Variants in RASGRF2 observed in about 807,000 individuals in gnomAD.
RASGRF2 encodes Ras protein specific guanine nucleotide releasing factor 2, also known as ras-specific guanine nucleotide-releasing factor 2.
A neutral mutation model predicts 151.0 loss-of-function variants in RASGRF2; 76 were observed. The observed-to-expected ratio is 0.50, with a 90% CI of 0.42 to 0.61. RASGRF2 has a LOEUF of 0.61. Among genes scored for constraint, RASGRF2 ranks in the 20% least tolerant of loss-of-function variants. The pLI is 0.00. For missense variants in RASGRF2, 1,148 were observed against 1,564.6 expected, an observed-to-expected ratio of 0.73 and a Z score of 4.49; for synonymous variants, 504 against 566.5, an observed-to-expected ratio of 0.89 and a Z score of 1.57.
At chr5:81,100,956 A>G (rs4704698) in intron 12 of RASGRF2, among the ~76,000 whole-genome samples, 8,705 of 152,256 alleles carry the variant, frequency 0.057, 282 homozygotes, top group African/African-American at 0.064. Flanking sequence ...GCCTTAGGTA[A>G]AACCCTGAAA....
intron 1 of RASGRF2, among the ~76,000 whole-genome samples, chr5:80,987,613 G>A (rs1018973777): frequency 1.3e-5 from 2 of 152,176 alleles, no homozygotes; most frequent in Admixed American, 1.3e-4. Context: ...GGAGCACAGG[G>A]AGCTGGCTTC....
intron 17 of RASGRF2, among the ~76,000 whole-genome samples, chr5:81,167,035 G>A (rs1267398303): frequency 6.6e-6 from 1 of 152,170 alleles, no homozygotes; most frequent in Non-Finnish European, 1.5e-5. Context: ...ATAGGTGGCA[G>A]GGTCTTCCCC....
At chr5:81,059,253 A>G (rs932161881) in intron 2 of RASGRF2, among the ~76,000 whole-genome samples, 8 of 151,710 alleles carry the variant, frequency 5.3e-5, no homozygotes, top group Non-Finnish European at 8.8e-5. Flanking sequence ...GCCTGGTGGC[A>G]GGCGCCTGTA....
At chr5:81,018,125 GAAAGAAAGAAAAAACAGAAAA>G (rs1414323660) in intron 1 of RASGRF2, among the ~76,000 whole-genome samples, 1 of 151,596 alleles carries the variant, frequency 6.6e-6, no homozygotes, top group East Asian at 1.9e-4. Flanking sequence ...AAGAAAGAAA[GAAAGAAAGAAAAAACAGAAAA>G]AAAGACTCTA....
At chr5:81,016,100 C>T (rs914471469) in intron 1 of RASGRF2, among the ~76,000 whole-genome samples, 1 of 152,116 alleles carries the variant, frequency 6.6e-6, no homozygotes. Flanking sequence ...TCTCTGTAAA[C>T]AAGTAAATGA....
intron 17 of RASGRF2, among the ~76,000 whole-genome samples, chr5:81,140,208 A>T (rs1203014753): frequency 6.6e-6 from 1 of 152,210 alleles, no homozygotes; most frequent in Non-Finnish European, 1.5e-5. Flanking sequence ...GAATAAAAGT[A>T]TCCAAGGATA....
Position 80,960,589 on chromosome 5 carries a change from G to C in RASGRF2, c.-150G>C, listed in dbSNP as rs1001680677. On this transcript the variant is annotated 5_prime_UTR_variant, in exon 1 of 27. Transcript: ENST00000265080. This position sits in a 1 kb window ranked among gnomAD's most constrained non-coding sequence, Gnocchi z 5.5. Reference sequence around the variant, plus strand: ...CGCGCGCCGCGGCCTCCCGAAAGCGGGCGGGGTGCCCTGCGCGCGGCGTGG... The same window carrying C: ...CGCGCGCCGCGGCCTCCCGAAAGCGCGCGGGGTGCCCTGCGCGCGGCGTGG... 5.4e-5 allele frequency: 39 copies of C among 727,974 alleles called. No individual in the cohort carries two copies. The African/African-American group carries it at 7.2e-4, about 13-fold the overall frequency. 45.1% of individuals were successfully genotyped at this position (727,974 alleles called of 1,614,324 possible).
At position 81,159,415 on chromosome 5, in the gene RASGRF2, G is replaced by T. The variant is rs142424650; in HGVS notation, c.2687-20760G>T. ...CCTTATTTACAAAAACAGGCAGCAG[G>T]TAGTTTGCTGACTCCTGTGCTCAAT... On this transcript the variant is annotated intron_variant, in intron 17 of 26. Coordinates refer to ENST00000265080, the MANE Select transcript of RASGRF2 (RefSeq NM_006909.3). Among the ~76,000 whole-genome samples the T allele has an allele frequency of 2.4e-3, 366 of 152,338 alleles. 2 individuals carry two copies. The highest frequency in any genetic ancestry group is 8.2e-3 in the African/African-American group (342 of 41,590).
At chr5:81,080,351 G>C in intron 6 of RASGRF2, 151 bp downstream of exon 6, 1 of 1,430,682 alleles carries the variant, frequency 7.0e-7, no homozygotes, top group South Asian at 1.5e-5. Context: ...TTGCCTTTTG[G>C]GTACTTTGGG....
At chr5:81,186,922 C>T (rs1335894899) in intron 18 of RASGRF2, among the ~76,000 whole-genome samples, 1 of 152,196 alleles carries the variant, frequency 6.6e-6, no homozygotes, top group African/African-American at 2.4e-5. Context: ...CTCCAGGCCT[C>T]CATTTCTTCA....
chr5:81,023,535 T>A (rs1180647684), intron 1 of RASGRF2, among the ~76,000 whole-genome samples: 1 of 152,020 alleles, frequency 6.6e-6, no homozygotes, highest in Non-Finnish European at 1.5e-5. Context: ...CTACAAATAA[T>A]GATTTGCAGG....
At chr5:81,016,591 C>T (rs2112326844) in intron 1 of RASGRF2, among the ~76,000 whole-genome samples, 1 of 152,190 alleles carries the variant, frequency 6.6e-6, no homozygotes, top group East Asian at 1.9e-4. Context: ...TAGGATGCAG[C>T]CAAACTCCAT....
intron 14 of RASGRF2, 33 bp downstream of exon 14, chr5:81,112,891 C>A (rs769707499): frequency 1.4e-5 from 22 of 1,612,864 alleles, no homozygotes; most frequent in African/African-American, 2.7e-5. Context: ...GCCTGTCATT[C>A]GCATATGGCC....
intron 1 of RASGRF2, among the ~76,000 whole-genome samples, chr5:80,976,389 C>T (rs1179989026): frequency 6.6e-6 from 1 of 152,162 alleles, no homozygotes; most frequent in Non-Finnish European, 1.5e-5. Flanking sequence ...TACGAAATGG[C>T]AAACCTGGTT....
chr5:81,091,619 C>T (rs1469536817), intron 9 of RASGRF2, among the ~76,000 whole-genome samples: 3 of 152,074 alleles, frequency 2.0e-5, no homozygotes, highest in Admixed American at 6.5e-5. Flanking sequence ...CAATTTGCAA[C>T]ATTCATATGT....
chr5:81,200,041 TGGGA>T (rs1431847331), intron 18 of RASGRF2, among the ~76,000 whole-genome samples: 2 of 150,934 alleles, frequency 1.3e-5, no homozygotes, highest in Non-Finnish European at 2.9e-5. Flanking sequence ...GAGGCTGAGA[TGGGA>T]GGGTCACTTG....
At chr5:80,983,076 G>GA (rs1748363884) in intron 1 of RASGRF2, among the ~76,000 whole-genome samples, 1 of 152,206 alleles carries the variant, frequency 6.6e-6, no homozygotes, top group Non-Finnish European at 1.5e-5. Context: ...AGGATTTCCA[G>GA]AACTTTTACT....
At chr5:81,190,110 C>T (rs1219296901) in intron 18 of RASGRF2, among the ~76,000 whole-genome samples, 1 of 152,180 alleles carries the variant, frequency 6.6e-6, no homozygotes, top group Non-Finnish European at 1.5e-5. Context: ...TAAGAGATCC[C>T]AAACATCCAC....
intron 12 of RASGRF2, chr5:81,096,077 T>A (rs1752538507): frequency 6.6e-6 from 1 of 152,202 alleles, no homozygotes; most frequent in Non-Finnish European, 1.5e-5. Context: ...GGGTCTTTTT[T>A]TCTGTTTAGC....
Sources: allele counts gnomAD v4.1 joint callset (sites outside exome capture counted in the v4.1 genomes callset), GRCh38; gene constraint gnomAD v4.1.1; non-coding constraint Gnocchi (gnomAD v3.1); transcripts MANE v1.5; gene names NCBI Gene and HGNC (gene_info 2026-07-23, HGNC 2026-07-21).